ZNF385D: variants seen among roughly 807,000 people sequenced by gnomAD.
ZNF385D encodes zinc finger protein 659.
Under a neutral mutation model 35.8 loss-of-function variants are expected in ZNF385D, and 15 were observed. The ratio of observed to expected loss-of-function variants is 0.42; its 90% CI spans 0.28 to 0.64. The LOEUF is 0.64. ZNF385D is among the 30% of genes least tolerant of loss of function. The probability of loss-of-function intolerance (pLI) is 0.23; values close to 1 mark genes in which losing one functional copy is unlikely to be tolerated. For missense variants in ZNF385D, 474 were observed against 494.6 expected, an observed-to-expected ratio of 0.96 and a Z score of 0.39; for synonymous variants, 212 against 186.8, an observed-to-expected ratio of 1.13 and a Z score of -1.10.
At chr3:22,109,491 G>C (rs1228772961) in intron 3 of ZNF385D, among the ~76,000 whole-genome samples, 1 of 152,112 alleles carries the variant, frequency 6.6e-6, no homozygotes, top group African/African-American at 2.4e-5. Context: ...AAGCATCTTA[G>C]AGCTACTGAT....
At chr3:21,792,627 C>T (rs1477598771) in intron 3 of ZNF385D, among the ~76,000 whole-genome samples, 5 of 152,042 alleles carry the variant, frequency 3.3e-5, no homozygotes, top group African/African-American at 1.2e-4. Context: ...TTGTGGGAAC[C>T]CGAAGCAGAT....
intron 2 of ZNF385D, among the ~76,000 whole-genome samples, chr3:22,306,343 T>A (rs1004268871): frequency 6.7e-6 from 1 of 148,210 alleles, no homozygotes; most frequent in African/African-American, 2.5e-5. Context: ...AAAAAAAGTC[T>A]TTTTTTTTTC....
At chr3:21,909,311 C>T (rs144538108) in intron 3 of ZNF385D, among the ~76,000 whole-genome samples, 2 of 152,096 alleles carry the variant, frequency 1.3e-5, no homozygotes, top group Admixed American at 1.3e-4. Flanking sequence ...CTTTTTTATG[C>T]AGCAAAAGTT....
At chr3:21,541,883 G>C (rs2062185774) in intron 3 of ZNF385D, among the ~76,000 whole-genome samples, 1 of 152,102 alleles carries the variant, frequency 6.6e-6, no homozygotes, top group African/African-American at 2.4e-5. Flanking sequence ...TGTAAAAAGA[G>C]ATACAAAAAA....
At chr3:22,192,797 C>T (rs1215143279) in intron 2 of ZNF385D, among the ~76,000 whole-genome samples, 1 of 152,050 alleles carries the variant, frequency 6.6e-6, no homozygotes, top group Non-Finnish European at 1.5e-5. Flanking sequence ...GGAATTCTGC[C>T]TCCTCTACAC....
intron 3 of ZNF385D, among the ~76,000 whole-genome samples, chr3:22,151,833 C>A (rs1245515570): frequency 2.0e-5 from 3 of 152,028 alleles, no homozygotes; most frequent in Non-Finnish European, 4.4e-5. Flanking sequence ...GAAGAAAATT[C>A]AATTTACCTC....
chr3:21,933,237 A>G (rs1384857393), intron 3 of ZNF385D, among the ~76,000 whole-genome samples: 4 of 152,168 alleles, frequency 2.6e-5, no homozygotes, highest in Admixed American at 6.5e-5. Context: ...TTTTCCCTCC[A>G]CACCTGAATC....
chr3:21,509,156 C>G (rs990653223), intron 4 of ZNF385D, among the ~76,000 whole-genome samples: 4 of 151,966 alleles, frequency 2.6e-5, no homozygotes, highest in African/African-American at 9.7e-5. Context: ...CACATATTTT[C>G]ATATTTTAAA....
chr3:21,543,991 A>AT (rs935501830), intron 3 of ZNF385D, among the ~76,000 whole-genome samples: 1 of 152,012 alleles, frequency 6.6e-6, no homozygotes, highest in Non-Finnish European at 1.5e-5. Flanking sequence ...TAGCGACTGG[A>AT]TTTTTTTGTG....
At chr3:21,651,587 T>C (rs1274140517) in intron 2 of ZNF385D, among the ~76,000 whole-genome samples, 2 of 151,870 alleles carry the variant, frequency 1.3e-5, no homozygotes, top group Non-Finnish European at 2.9e-5. Context: ...AAAGTCATTG[T>C]GAAAACTATT....
Position 22,244,409 on chromosome 3 carries a change from A to G in ZNF385D, c.107-75374T>C, listed in dbSNP as rs527488186. Among the ~76,000 whole-genome samples the G allele has an allele frequency of 5.0e-4, 75 of 149,826 alleles. 4 individuals carry two copies. Among genetic ancestry groups the G allele is most frequent in the African/African-American group, 1.8e-3 (73 of 40,558 alleles). On this transcript the variant is annotated intron_variant, in intron 2 of 5. Transcript: ENST00000494108. ...AAAAAAAAATGAAAACATAAAACGC[A>G]GAAAAGTAAAATAAATATCAAGTAT...
At chr3:21,979,204 G>A (rs1694258779) in intron 3 of ZNF385D, among the ~76,000 whole-genome samples, 1 of 151,912 alleles carries the variant, frequency 6.6e-6, no homozygotes, top group African/African-American at 2.4e-5. Flanking sequence ...AGGATATGGG[G>A]GACCATGGGG....
intron 2 of ZNF385D, among the ~76,000 whole-genome samples, chr3:21,574,814 A>T (rs1387786490): frequency 6.6e-6 from 1 of 152,118 alleles, no homozygotes; most frequent in East Asian, 1.9e-4. Context: ...ATAAGTTAAT[A>T]ATATACATGC....
chr3:21,791,728 T>C (rs2071933956), intron 3 of ZNF385D, among the ~76,000 whole-genome samples: 1 of 152,146 alleles, frequency 6.6e-6, no homozygotes, highest in Admixed American at 6.5e-5. Flanking sequence ...TAAGCCTGGA[T>C]CTAATCGTTT....
At chr3:21,970,788 A>C (rs1703201299) in intron 3 of ZNF385D, among the ~76,000 whole-genome samples, 1 of 152,136 alleles carries the variant, frequency 6.6e-6, no homozygotes, top group African/African-American at 2.4e-5. Context: ...CTAAAGACAA[A>C]CATAAAGAAA....
At position 21,786,385 on chromosome 3, in the gene ZNF385D, C is replaced by T. The variant is rs112849267; in HGVS notation, c.326-121357G>A. On this transcript the variant is annotated intron_variant, in intron 3 of 5. Coordinates refer to the ZNF385D transcript ENST00000494108. ...GAACACAGTACTCCTTTAGGGAAGT[C>T]GGCATTTTTTTTTTCTTCGTTGTTT... 4.8e-3 allele frequency among the ~76,000 whole-genome samples: 734 copies of T among 152,208 alleles called. 5 individuals are homozygous for T. The highest frequency in any genetic ancestry group is 0.016 in the African/African-American group (655 of 41,542).
Position 22,127,442 on chromosome 3 carries a change from C to T in ZNF385D, c.325+41375G>A, listed in dbSNP as rs373199435. 6.1e-5 allele frequency among the ~76,000 whole-genome samples: 9 copies of T among 146,846 alleles called. No homozygotes were observed. The South Asian group carries it at 1.5e-3, about 25-fold the overall frequency. ...GAAACCTCTGCTTCCTGGCTTCAAG[C>T]GATTCTCCTGCCTCAGCCTCCCTAG... On this transcript the variant is annotated intron_variant, in intron 3 of 5. Transcript: ENST00000494108.
At position 21,415,120 on chromosome 3, in the gene ZNF385D, T is replaced by C. The variant is rs775880363; in HGVS notation, c.*6094A>G. 1.3e-5 allele frequency: 2 copies of C among 152,176 alleles called. No homozygotes were observed. The highest frequency in any genetic ancestry group is 2.9e-5 in the Non-Finnish European group (2 of 68,012). The allele number at this position is 152,176 out of a possible 1,614,324, so 9.4% of individuals were successfully genotyped here. A position where few individuals can be genotyped will look rare whatever the true frequency, so the allele number is the denominator to read the frequency against. ...GCTTTAAAACTCTCTGACATCATTG[T>C]TTCTCAATAGATTTATGTTGAACAA... On this transcript the variant is annotated 3_prime_UTR_variant, in exon 8 of 8. Transcript: ENST00000281523.
chr3:22,233,559 C>T (rs1302207946), intron 2 of ZNF385D, among the ~76,000 whole-genome samples: 1 of 152,092 alleles, frequency 6.6e-6, no homozygotes, highest in Non-Finnish European at 1.5e-5. Flanking sequence ...CGTATTATTG[C>T]ATGCCATTTA....
Sources: gnomAD v4.1 joint callset for allele counts (sites outside exome capture counted in the v4.1 genomes callset) on GRCh38, gnomAD v4.1.1 for gene constraint, MANE v1.5 for transcripts, NCBI Gene and HGNC (gene_info 2026-07-23, HGNC 2026-07-21) for gene names.